Variants in MYH16 observed in about 807,000 individuals in gnomAD.
MYH16 encodes the protein putative uncharacterized protein MYH16.
At chr7:99,275,819 C>T (rs1792103613) in intron 20 of MYH16, among the ~76,000 whole-genome samples, 1 of 152,230 alleles carries the variant, frequency 6.6e-6, no homozygotes, top group South Asian at 2.1e-4. Context: ...GCAACCTCCG[C>T]CTCCCGGATT....
At chr7:99,290,909 C>G (rs1792364077) in intron 30 of MYH16, 1 of 152,470 alleles carries the variant, frequency 6.6e-6, no homozygotes, top group South Asian at 2.1e-4. Context: ...CTTTTTCTCT[C>G]AGGCTCATGA....
intron 31 of MYH16, among the ~76,000 whole-genome samples, chr7:99,291,776 T>C (rs1022222315): frequency 6.6e-6 from 1 of 151,968 alleles, no homozygotes; most frequent in African/African-American, 2.4e-5. Context: ...CTGGCCAACA[T>C]GGCAAAACCT....
intron 33 of MYH16, among the ~76,000 whole-genome samples, chr7:99,296,494 G>T (rs1203057809): frequency 6.6e-6 from 1 of 152,112 alleles, no homozygotes; most frequent in African/African-American, 2.4e-5. Context: ...TCTCTCGGGG[G>T]AAGTTTTAGA....
chr7:99,248,386 G>A (rs1200479156), intron 3 of MYH16, among the ~76,000 whole-genome samples: 1 of 152,114 alleles, frequency 6.6e-6, no homozygotes, highest in Non-Finnish European at 1.5e-5. Flanking sequence ...ACAGGCGTGA[G>A]CCACTGCGCC....
chr7:99,274,442 T>C (rs1441001443), intron 20 of MYH16, among the ~76,000 whole-genome samples: 1 of 152,078 alleles, frequency 6.6e-6, no homozygotes, highest in African/African-American at 2.4e-5. Flanking sequence ...GGAAGTTTCT[T>C]TACACTCCCC....
chr7:99,287,330 C>T (rs983868047), intron 28 of MYH16, among the ~76,000 whole-genome samples: 2 of 151,828 alleles, frequency 1.3e-5, no homozygotes, highest in African/African-American at 2.4e-5. Flanking sequence ...GTTAGGAGTT[C>T]GAGATCAGCC....
chr7:99,292,429 C>G, exon 32 of MYH16: 1 of 459,706 alleles, frequency 2.2e-6, no homozygotes, highest in Middle Eastern at 3.3e-4. Context: ...CGTGTCCAAA[C>G]TCAACACTGA....
chr7:99,279,652 G>A lies in MYH16; in HGVS notation n.2802G>A, dbSNP rs115927539. 2,623 of 456,630 alleles carry A rather than the reference G, an allele frequency of 5.7e-3. 23 individuals are homozygous for A. Among genetic ancestry groups the A allele is most frequent in the African/African-American group, 0.028 (1,409 of 50,178 alleles). 28.3% of individuals were successfully genotyped at this position (456,630 alleles called of 1,614,324 possible). A position where few individuals can be genotyped will look rare whatever the true frequency, so the allele number is the denominator to read the frequency against. On this transcript the variant is annotated non_coding_transcript_exon_variant, in exon 22 of 42. Transcript: ENST00000439784. ...GCGGCCTCACTGAGTGCCGCCAAGC[G>A]CAAGTTGGAAGGGGAGCTGAGCGAC... is the stretch of plus-strand genomic sequence containing the variant.
intron 18 of MYH16, among the ~76,000 whole-genome samples, chr7:99,269,258 G>A (rs1300577045): frequency 1.3e-5 from 2 of 151,034 alleles, no homozygotes; most frequent in Non-Finnish European, 2.9e-5. Flanking sequence ...CTTGAATTTT[G>A]ACATGAACCA....
At chr7:99,283,141 C>T (rs73407301) in intron 23 of MYH16, among the ~76,000 whole-genome samples, 2,215 of 152,298 alleles carry the variant, frequency 0.015, 65 homozygotes, top group African/African-American at 0.051. Flanking sequence ...CACTGTTGCT[C>T]AGGCTGAAAT....
chr7:99,283,513 C>T (rs552004378), intron 23 of MYH16, 52 bp from the exon 6 acceptor site: 1 of 454,020 alleles, frequency 2.2e-6, no homozygotes, highest in Non-Finnish European at 4.4e-6. Flanking sequence ...CAGGACTGTT[C>T]AGCTGCTCCC....
exon 33 of MYH16, chr7:99,294,136 A>AAG (rs1792437754): frequency 2.2e-6 from 1 of 456,184 alleles, no homozygotes; most frequent in Non-Finnish European, 4.4e-6. Context: ...GGACCTCACC[A>AAG]TCGACTTGGA....
chr7:99,309,020 C>A, downstream of MYH16, among the ~76,000 whole-genome samples: 1 of 152,170 alleles, frequency 6.6e-6, no homozygotes, highest in Non-Finnish European at 1.5e-5. Flanking sequence ...GTATAAATAT[C>A]CCCGTTTGTC....
At chr7:99,287,676 G>A (rs765993104) in intron 28 of MYH16, 10 of 347,360 alleles carry the variant, frequency 2.9e-5, no homozygotes, top group Non-Finnish European at 4.6e-5. Flanking sequence ...TAGGACTTGA[G>A]TATATCTTTT....
rs530007049 is a variant in MYH16, at chr7:99,257,835, C to T, written n.1136-287C>T. ...CTAATTTTTTAATTTTTTGTAGAAA[C>T]GGGGTCTTGCTATGTTGCCCAGGCT... On this transcript the variant is annotated intron_variant and non_coding_transcript_variant, in intron 10 of 41. Transcript: ENST00000439784. 3.1e-4 allele frequency among the ~76,000 whole-genome samples: 47 copies of T among 152,056 alleles called. No homozygotes were observed. The East Asian group carries it at 7.7e-3, about 25-fold the overall frequency.
intron 38 of MYH16, among the ~76,000 whole-genome samples, chr7:99,302,020 T>C (rs1356093394): frequency 6.6e-6 from 1 of 152,130 alleles, no homozygotes; most frequent in Admixed American, 6.5e-5. Context: ...TATCCCAGCC[T>C]GGGCCAGGCA....
chr7:99,309,002 C>A (rs1050550025), downstream of MYH16, among the ~76,000 whole-genome samples: 1 of 152,160 alleles, frequency 6.6e-6, no homozygotes, highest in African/African-American at 2.4e-5. Flanking sequence ...TTCTACCCTA[C>A]AAGGTAGGTA....
chr7:99,251,995 A>G (rs1178528732), intron 6 of MYH16, among the ~76,000 whole-genome samples: 1 of 152,144 alleles, frequency 6.6e-6, no homozygotes, highest in African/African-American at 2.4e-5. Flanking sequence ...AAAAGCATCT[A>G]ATCAGCAAAC....
chr7:99,248,807 G>A (rs1269021153), intron 3 of MYH16, among the ~76,000 whole-genome samples: 2 of 152,180 alleles, frequency 1.3e-5, no homozygotes, highest in African/African-American at 4.8e-5. Context: ...GGTGTACACT[G>A]CAGGGATGGG....
Sources: allele counts gnomAD v4.1 joint callset (sites outside exome capture counted in the v4.1 genomes callset), GRCh38; gene constraint gnomAD v4.1.1; transcripts MANE v1.5; gene names NCBI Gene and HGNC (gene_info 2026-07-23, HGNC 2026-07-21).